Variants in VPS8 observed in about 807,000 individuals in gnomAD.
VPS8 encodes the protein VPS8 subunit of CORVET complex.
In VPS8, 129 loss-of-function variants were observed where a neutral mutation model predicts 216.4. The ratio of observed to expected loss-of-function variants is 0.60; its 90% confidence interval spans 0.52 to 0.69. The LOEUF (loss-of-function observed/expected upper bound fraction) is 0.69, where lower values mean the gene tolerates loss of function less well. VPS8 is among the 30% of genes least tolerant of loss of function. VPS8 has a pLI of 0.00. For synonymous variants in VPS8, 571 were observed against 565.4 expected (o/e 1.01, Z -0.14); for missense variants, 1,531 against 1,683.5 (o/e 0.91, Z 1.59).
At chr3:184,968,343 A>G (rs561873224) in intron 39 of VPS8, among the ~76,000 whole-genome samples, 11 of 152,196 alleles carry the variant, frequency 7.2e-5, no homozygotes, top group Non-Finnish European at 1.0e-4. Flanking sequence ...CTCTATGAGC[A>G]TGAATGTACA....
chr3:184,994,487 T>A (rs1466379355), intron 43 of VPS8, among the ~76,000 whole-genome samples: 1 of 36,834 alleles, frequency 2.7e-5, no homozygotes, highest in African/African-American at 5.0e-5. Context: ...GACCCTTCTC[T>A]GAAAAAAAAA....
chr3:184,836,684 T>C (rs1345217200), intron 5 of VPS8, among the ~76,000 whole-genome samples: 1 of 152,232 alleles, frequency 6.6e-6, no homozygotes, highest in Admixed American at 6.5e-5. Context: ...TGATGGTTGG[T>C]TTATTAACAT....
At chr3:184,890,625 C>A (rs1249951031) in intron 22 of VPS8, among the ~76,000 whole-genome samples, 6 of 151,844 alleles carry the variant, frequency 4.0e-5, no homozygotes, top group African/African-American at 1.5e-4. Flanking sequence ...TATATGTATT[C>A]CTATTTATAT....
chr3:185,001,238 T>A (rs1319887901), intron 45 of VPS8, among the ~76,000 whole-genome samples: 1 of 152,144 alleles, frequency 6.6e-6, no homozygotes, highest in African/African-American at 2.4e-5. Context: ...CTCCATGGTT[T>A]AAGGGTTCAG....
chr3:184,934,976 C>G (rs757087492), intron 34 of VPS8, among the ~76,000 whole-genome samples: 12 of 152,086 alleles, frequency 7.9e-5, no homozygotes, highest in Admixed American at 2.0e-4. Flanking sequence ...CTATTTGACC[C>G]TACAGTTTTT....
chr3:184,867,322 G>A (rs6444001), intron 17 of VPS8, among the ~76,000 whole-genome samples: 67,633 of 151,998 alleles, frequency 0.44, 16,080 homozygotes, highest in East Asian at 0.67. Flanking sequence ...AATGTATTGA[G>A]GTATTTGACT....
At chr3:184,982,063 G>A (rs1750295695) in intron 40 of VPS8, among the ~76,000 whole-genome samples, 1 of 151,730 alleles carries the variant, frequency 6.6e-6, no homozygotes, top group African/African-American at 2.4e-5. Flanking sequence ...GATAATGCTT[G>A]ATGTAGAAAA....
chr3:184,960,243 G>A (rs886294271), intron 37 of VPS8, among the ~76,000 whole-genome samples: 2 of 152,016 alleles, frequency 1.3e-5, no homozygotes, highest in African/African-American at 2.4e-5. Context: ...TATCATTGTT[G>A]GACATTTGGG....
At chr3:184,924,010 A>C (rs1332306729) in intron 29 of VPS8, among the ~76,000 whole-genome samples, 1 of 152,140 alleles carries the variant, frequency 6.6e-6, no homozygotes, top group Non-Finnish European at 1.5e-5. Flanking sequence ...TCTTGTTCCT[A>C]ATTTTCTTAA....
intron 45 of VPS8, among the ~76,000 whole-genome samples, chr3:185,015,067 C>T (rs1251474755): frequency 1.3e-5 from 2 of 152,232 alleles, no homozygotes; most frequent in African/African-American, 2.4e-5. Context: ...CGAGGATTAA[C>T]TCCTCTTTTA....
rs568591523 is a variant in VPS8, at chr3:184,885,013, T to A, written c.1735-1097T>A. ...CTGTAGCTCTAACACTTTTCAAATC[T>A]ATCATTTTACCTCCTGTTTTTGAAG... On this transcript the variant is annotated intron_variant, in intron 21 of 47. Coordinates refer to ENST00000625842, the MANE Select transcript of VPS8 (RefSeq NM_001009921.3). Among the ~76,000 whole-genome samples, 360 of 152,348 alleles carry A rather than the reference T, an allele frequency of 2.4e-3. 2 individuals carry two copies. Among genetic ancestry groups the A allele is most frequent in the Non-Finnish European group, 4.2e-3 (284 of 68,032 alleles).
chr3:184,996,571 C>G, intron 44 of VPS8, 70 bp downstream of exon 44: 3 of 1,492,304 alleles, frequency 2.0e-6, no homozygotes, highest in Non-Finnish European at 2.7e-6. Context: ...CAAGAATCCA[C>G]ATGGATACAC....
chr3:185,031,069 T>TG lies in VPS8; in HGVS notation c.4056+6680_4056+6681insG, dbSNP rs1463444371. ...TGTTGAATTACAGGTTGGCGTTTTT[T>TG]TTTTTTTTTTTTTTTTTTTTTTAAG... On this transcript the variant is annotated intron_variant, in intron 46 of 47. Coordinates refer to ENST00000625842, the MANE Select transcript of VPS8 (RefSeq NM_001009921.3). 5.0e-5 allele frequency among the ~76,000 whole-genome samples: 7 copies of TG among 140,584 alleles called. No homozygotes were observed. In the South Asian group the frequency reaches 9.4e-4, roughly 19 times the overall value. The allele number at this position is 140,584 out of a possible 152,430, so 92.2% of individuals were successfully genotyped here.
intron 14 of VPS8, among the ~76,000 whole-genome samples, chr3:184,857,878 A>G (rs1725558588): frequency 6.6e-6 from 1 of 152,326 alleles, no homozygotes; most frequent in Middle Eastern, 3.4e-3. Context: ...ACTTAGATAT[A>G]TGGCTCTAGA....
chr3:184,820,061 G>C (rs1717219343), intron 1 of VPS8, among the ~76,000 whole-genome samples: 1 of 152,160 alleles, frequency 6.6e-6, no homozygotes, highest in African/African-American at 2.4e-5. Context: ...AAACCCACTT[G>C]TAAGTGGACC....
chr3:184,862,167 C>T (rs1281032488), intron 15 of VPS8, among the ~76,000 whole-genome samples: 5 of 152,104 alleles, frequency 3.3e-5, no homozygotes, highest in Non-Finnish European at 7.3e-5. Flanking sequence ...GGACGCACTT[C>T]GTTCTGGCGA....
At chr3:185,046,139 A>C (rs1712855765) in intron 46 of VPS8, among the ~76,000 whole-genome samples, 1 of 152,246 alleles carries the variant, frequency 6.6e-6, no homozygotes, top group South Asian at 2.1e-4. Flanking sequence ...CCAGTTGGAA[A>C]ATCACTCCTA....
intron 25 of VPS8, among the ~76,000 whole-genome samples, chr3:184,912,978 C>G (rs1736833886): frequency 1.3e-5 from 2 of 152,130 alleles, no homozygotes; most frequent in Non-Finnish European, 1.5e-5. Flanking sequence ...TTTCTGATTT[C>G]TTTAGTCAGA....
chr3:184,869,563 G>C (rs751741911), intron 20 of VPS8, 35 bp downstream of exon 20: 2 of 1,606,498 alleles, frequency 1.2e-6, no homozygotes, highest in Non-Finnish European at 1.7e-6. Flanking sequence ...CTAGAATACA[G>C]TGCAGATTTG....
Sources: allele counts gnomAD v4.1 joint callset (sites outside exome capture counted in the v4.1 genomes callset), GRCh38; gene constraint gnomAD v4.1.1; transcripts MANE v1.5; gene names NCBI Gene and HGNC (gene_info 2026-07-23, HGNC 2026-07-21).